The following CASQ2 variants were observed in gnomAD, a reference collection of about 807,000 sequenced individuals.
CASQ2 encodes the protein calsequestrin-2.
A neutral mutation model predicts 46.5 loss-of-function variants in CASQ2; 49 were observed. That is an observed-to-expected ratio of 1.05 (90% CI 0.84 to 1.34). The LOEUF (loss-of-function observed/expected upper bound fraction) is 1.34. Ranked by LOEUF, CASQ2 falls within the 40% of genes most tolerant of loss-of-function variation. The probability of loss-of-function intolerance (pLI) is 0.00; values close to 1 mark genes in which losing one functional copy is unlikely to be tolerated. For missense variants in CASQ2, 486 were observed against 481.3 expected, an observed-to-expected ratio of 1.01 and a Z score of -0.09; for synonymous variants, 174 against 168.5, an observed-to-expected ratio of 1.03 and a Z score of -0.25.
chr1:115,750,271 C>T lies in CASQ2; in HGVS notation c.235-5359G>A, dbSNP rs113652877. Among the ~76,000 whole-genome samples the T allele has an allele frequency of 8.5e-5, 13 of 152,276 alleles. 2 individuals carry two copies. Among genetic ancestry groups the T allele is most frequent in the African/African-American group, 2.9e-4 (12 of 41,530 alleles). On this transcript the variant is annotated intron_variant, in intron 1 of 10. Transcript: ENST00000261448. ...AGTACAGACTTTTCATATAGGATTG[C>T]AATTTTCTCCTGTTGACGTACAACT...
chr1:115,728,851 C>A (rs79518243), intron 5 of CASQ2, among the ~76,000 whole-genome samples: 1 of 152,054 alleles, frequency 6.6e-6, no homozygotes, highest in Non-Finnish European at 1.5e-5. Context: ...GTGATAGTCT[C>A]GTCTCTGAAT....
At chr1:115,717,814 A>T (rs148317852) in intron 8 of CASQ2, 26 bp downstream of exon 8, 1 of 1,557,408 alleles carries the variant, frequency 6.4e-7, no homozygotes, top group African/African-American at 1.4e-5. Flanking sequence ...CTAGAGCTGT[A>T]AAAGAGCAGG....
rs1352272273 is a variant in CASQ2, at chr1:115,763,713, C to G, written c.234+4595G>C. Among the ~76,000 whole-genome samples the G allele has an allele frequency of 3.9e-5, 6 of 152,184 alleles. No homozygotes were observed. The East Asian group carries it at 1.2e-3, about 29-fold the overall frequency. On this transcript the variant is annotated intron_variant, in intron 1 of 10. Transcript: ENST00000261448. ...CATCTTGCAAACAAGGAAACCAGGT[C>G]TATCTGATCTGGAAGCCCGTGTTAG... is the stretch of plus-strand genomic sequence containing the variant.
At chr1:115,718,435 T>A (rs1187509086) in intron 7 of CASQ2, among the ~76,000 whole-genome samples, 1 of 152,186 alleles carries the variant, frequency 6.6e-6, no homozygotes, top group Non-Finnish European at 1.5e-5. Flanking sequence ...CAGGAATCAT[T>A]GAGGTCAATT....
intron 8 of CASQ2, among the ~76,000 whole-genome samples, chr1:115,709,510 A>T (rs571343231): frequency 5.1e-4 from 77 of 152,338 alleles, no homozygotes; most frequent in African/African-American, 1.8e-3. Context: ...AGGGGGAAGT[A>T]CTATTCAGAG....
chr1:115,719,989 G>A (rs959858355), intron 7 of CASQ2, among the ~76,000 whole-genome samples: 10 of 152,044 alleles, frequency 6.6e-5, no homozygotes, highest in Admixed American at 4.6e-4. Flanking sequence ...CACTTTTTCT[G>A]TACTTACTTT....
intron 1 of CASQ2, among the ~76,000 whole-genome samples, chr1:115,767,279 C>G (rs1649166693): frequency 6.6e-6 from 1 of 152,078 alleles, no homozygotes; most frequent in Non-Finnish European, 1.5e-5. Context: ...ACTGAAATTC[C>G]ACATTCAGCA....
intron 7 of CASQ2, among the ~76,000 whole-genome samples, chr1:115,718,992 A>T (rs990262706): frequency 2.6e-5 from 4 of 152,110 alleles, no homozygotes; most frequent in African/African-American, 9.7e-5. Context: ...CCTGAACATC[A>T]TATCAGAATC....
chr1:115,768,686 T>C lies in CASQ2; in HGVS notation c.-145A>G. 3.0e-6 allele frequency: 2 copies of C among 665,252 alleles called. No individual in the cohort carries two copies. Among genetic ancestry groups the C allele is most frequent in the South Asian group, 3.5e-5 (2 of 57,950 alleles). The allele number at this position is 665,252 out of a possible 1,614,324, so 41.2% of individuals were successfully genotyped here. A position where few individuals can be genotyped will look rare whatever the true frequency, so the allele number is the denominator to read the frequency against. On this transcript the variant is annotated 5_prime_UTR_variant, in exon 1 of 11. Coordinates refer to ENST00000261448, the MANE Select transcript of CASQ2 (RefSeq NM_001232.4). The stretch of plus-strand genomic sequence containing the variant: ...GCCCTTCCTGGGGCTGAAAAGTGAC[T>C]CTTCACCTCCTTGGGTCCAGCCAGC...
intron 1 of CASQ2, among the ~76,000 whole-genome samples, chr1:115,748,024 G>A (rs1648446683): frequency 6.6e-6 from 1 of 152,056 alleles, no homozygotes; most frequent in South Asian, 2.1e-4. Flanking sequence ...TAAATTTTTT[G>A]TTTCTTTCCC....
At chr1:115,753,913 C>A (rs4839481) in intron 1 of CASQ2, among the ~76,000 whole-genome samples, 247 of 151,870 alleles carry the variant, frequency 1.6e-3, no homozygotes, top group African/African-American at 5.6e-3. Context: ...AGTTGAGCCT[C>A]GGGGAAAATG....
At chr1:115,702,568 C>T (rs2101053428) in intron 10 of CASQ2, among the ~76,000 whole-genome samples, 1 of 152,336 alleles carries the variant, frequency 6.6e-6, no homozygotes, top group East Asian at 1.9e-4. Context: ...ACCCATTGTG[C>T]AGTGATGGCT....
In CASQ2 at chr1:115,717,882, T is replaced by C. The variant is rs1482497915; in HGVS notation, c.796A>G (p.Asn266Asp). 6.2e-7 allele frequency: 1 copy of C among 1,609,824 alleles called. No homozygotes were observed. The highest frequency in any genetic ancestry group is 2.2e-5 in the East Asian group (1 of 44,870). ...GCAAAGGCCACAATGTGGATCCCAT[T>C]CAAATCATCTTCCTGTATGAGAAAA... is the stretch of plus-strand genomic sequence containing the variant. Reference protein sequence around the residue: ...EMFETWEDDLNGIHIVAFAEK... With the variant: ...EMFETWEDDLDGIHIVAFAEK... Residue 266 changes from asparagine to aspartate, a missense_variant, in exon 8 of 11, where the codon AAT (asparagine) becomes GAT (aspartate). By Grantham distance (23) the Asn-to-Asp change is conservative (BLOSUM62 1). Transcript: ENST00000261448.
chr1:115,719,852 T>C (rs1398271354), intron 7 of CASQ2, among the ~76,000 whole-genome samples: 1 of 152,128 alleles, frequency 6.6e-6, no homozygotes, highest in East Asian at 1.9e-4. Context: ...CTTTAGGTTG[T>C]CTTGGAAATT....
At chr1:115,711,290 T>C (rs1025540908) in intron 8 of CASQ2, among the ~76,000 whole-genome samples, 15 of 152,174 alleles carry the variant, frequency 9.9e-5, no homozygotes, top group Admixed American at 4.6e-4. Context: ...GTGTGGCAGG[T>C]GGACAGATAA....
chr1:115,739,284 T>G (rs146917534), intron 3 of CASQ2, among the ~76,000 whole-genome samples: 113,240 of 146,258 alleles, frequency 0.77, 47,195 homozygotes, highest in Non-Finnish European at 0.94. Context: ...AGTTTTTTTA[T>G]TTTTGTATTT....
At chr1:115,750,668 T>G (rs1648549866) in intron 1 of CASQ2, among the ~76,000 whole-genome samples, 1 of 152,068 alleles carries the variant, frequency 6.6e-6, no homozygotes, top group Admixed American at 6.6e-5. Context: ...ACCAACACAC[T>G]TGGCTAATTG....
At chr1:115,715,936 G>T (rs932983250) in intron 8 of CASQ2, among the ~76,000 whole-genome samples, 1 of 152,148 alleles carries the variant, frequency 6.6e-6, no homozygotes, top group African/African-American at 2.4e-5. Context: ...TGAAAAAGGC[G>T]ATCTGTTCAC....
At chr1:115,752,770 G>A (rs1648626578) in intron 1 of CASQ2, among the ~76,000 whole-genome samples, 2 of 152,220 alleles carry the variant, frequency 1.3e-5, no homozygotes, top group African/African-American at 4.8e-5. Context: ...ATATGACTAA[G>A]TTGTGTTTGG....
Sources: allele counts gnomAD v4.1 joint callset (sites outside exome capture counted in the v4.1 genomes callset), GRCh38; gene constraint gnomAD v4.1.1; transcripts MANE v1.5; gene names NCBI Gene and HGNC (gene_info 2026-07-23, HGNC 2026-07-21).